GRIN2A: variants seen among roughly 807,000 people sequenced by gnomAD.
GRIN2A encodes the protein glutamate receptor ionotropic, NMDA 2A.
GRIN2A carries 22 observed loss-of-function variants against 113.4 expected under a neutral mutation model. That is an observed-to-expected ratio of 0.19 (90% CI 0.14 to 0.28). The LOEUF (loss-of-function observed/expected upper bound fraction) is 0.28. Ranked by LOEUF, GRIN2A falls within the 10% of genes least tolerant of loss-of-function variation. The pLI is 1.00. For missense variants in GRIN2A, 1,502 were observed against 1,887.0 expected, an observed-to-expected ratio of 0.80 and a Z score of 3.78; for synonymous variants, 827 against 738.4, an observed-to-expected ratio of 1.12 and a Z score of -1.94.
At chr16:10,064,703 G>A (rs575976856) in intron 2 of GRIN2A, among the ~76,000 whole-genome samples, 4 of 152,306 alleles carry the variant, frequency 2.6e-5, no homozygotes, top group South Asian at 4.1e-4. Context: ...AACCCCAGGT[G>A]CAAATCTTTG....
chr16:9,997,528 G>A (rs1239496382), intron 2 of GRIN2A, among the ~76,000 whole-genome samples: 2 of 152,190 alleles, frequency 1.3e-5, no homozygotes, highest in African/African-American at 4.8e-5. Flanking sequence ...AAGAGACAAA[G>A]CTAAAGCCCT....
chr16:9,937,840 T>C, intron 3 of GRIN2A, 119 bp downstream of exon 3: 3 of 743,770 alleles, frequency 4.0e-6, no homozygotes, highest in Non-Finnish European at 7.2e-6. Flanking sequence ...GTCCCGTAAG[T>C]AAACACATAA....
chr16:9,999,372 G>C (rs914922274), intron 2 of GRIN2A, among the ~76,000 whole-genome samples: 1 of 152,324 alleles, frequency 6.6e-6, no homozygotes, highest in Non-Finnish European at 1.5e-5. Flanking sequence ...ACTGGATAAA[G>C]AAAATGTGGC....
chr16:10,160,307 C>T (rs59952770), intron 2 of GRIN2A, among the ~76,000 whole-genome samples: 2,671 of 152,298 alleles, frequency 0.018, 68 homozygotes, highest in African/African-American at 0.06. Flanking sequence ...GGGATATGGT[C>T]TCCCCAAACC....
chr16:10,022,862 A>G (rs2046751294), intron 2 of GRIN2A, among the ~76,000 whole-genome samples: 3 of 152,184 alleles, frequency 2.0e-5, no homozygotes, highest in Admixed American at 2.0e-4. Context: ...CACTGTTCTC[A>G]AGAACTGAAA....
At chr16:9,994,050 C>A (rs1414509022) in intron 2 of GRIN2A, among the ~76,000 whole-genome samples, 1 of 152,184 alleles carries the variant, frequency 6.6e-6, no homozygotes, top group Non-Finnish European at 1.5e-5. Context: ...AAGAAGAAAT[C>A]CATCACATGG....
At chr16:9,948,762 C>A (rs1057382934) in intron 2 of GRIN2A, among the ~76,000 whole-genome samples, 7 of 152,184 alleles carry the variant, frequency 4.6e-5, no homozygotes, top group African/African-American at 1.7e-4. Context: ...TGAAGCCATC[C>A]AGGAACGAGA....
chr16:9,833,297 C>A (rs1393494401), intron 8 of GRIN2A, among the ~76,000 whole-genome samples: 1 of 152,156 alleles, frequency 6.6e-6, no homozygotes, highest in Non-Finnish European at 1.5e-5. Context: ...TTTTAGCACA[C>A]TTGATTTCCT....
chr16:9,977,928 C>G (rs1456593349), intron 2 of GRIN2A, among the ~76,000 whole-genome samples: 1 of 152,098 alleles, frequency 6.6e-6, no homozygotes, highest in African/African-American at 2.4e-5. Flanking sequence ...TGCAGCTTAA[C>G]AACGAAGATG....
chr16:9,996,678 G>C (rs1050947280), intron 2 of GRIN2A, among the ~76,000 whole-genome samples: 5 of 152,050 alleles, frequency 3.3e-5, no homozygotes, highest in Admixed American at 1.3e-4. Flanking sequence ...TGGAGTTTCT[G>C]TCTTTCCCAA....
intron 2 of GRIN2A, among the ~76,000 whole-genome samples, chr16:10,075,119 A>G (rs1048518084): frequency 6.6e-6 from 1 of 152,096 alleles, no homozygotes; most frequent in Middle Eastern, 3.2e-3. Context: ...GGGACTTTGC[A>G]TGGGTCCTCT....
intron 2 of GRIN2A, among the ~76,000 whole-genome samples, chr16:9,975,697 T>C (rs955397930): frequency 6.6e-6 from 1 of 152,186 alleles, no homozygotes; most frequent in African/African-American, 2.4e-5. Flanking sequence ...CTGCATTAAA[T>C]GACTGTGGAC....
chr16:9,848,002 T>G (rs1279571983), intron 5 of GRIN2A, among the ~76,000 whole-genome samples: 1 of 146,546 alleles, frequency 6.8e-6, no homozygotes. Context: ...TATATAAAAA[T>G]ATATTGGTTT....
chr16:10,175,460 A>T (rs2050123401), intron 2 of GRIN2A, among the ~76,000 whole-genome samples: 1 of 152,228 alleles, frequency 6.6e-6, no homozygotes, highest in Non-Finnish European at 1.5e-5. Flanking sequence ...AAAAGGAAAT[A>T]CACCAAAGTG....
intron 2 of GRIN2A, among the ~76,000 whole-genome samples, chr16:10,004,285 A>G (rs536305356): frequency 6.6e-6 from 1 of 151,912 alleles, no homozygotes; most frequent in Non-Finnish European, 1.5e-5. Flanking sequence ...GCTACTCAGG[A>G]GGCTGAGGCA....
chr16:9,970,705 C>T (rs1312940871), intron 2 of GRIN2A: 2 of 868,714 alleles, frequency 2.3e-6, no homozygotes, highest in East Asian at 1.2e-4. Context: ...AAGTTAGGTA[C>T]TGAAGATAAA....
chr16:9,772,031 G>GT (rs796088515), intron 11 of GRIN2A, among the ~76,000 whole-genome samples: 37 of 151,884 alleles, frequency 2.4e-4, no homozygotes, highest in East Asian at 1.2e-3. Flanking sequence ...ATGTTAATGA[G>GT]TTTTTTTTTA....
At chr16:10,157,148 C>CA (rs1371708127) in intron 2 of GRIN2A, among the ~76,000 whole-genome samples, 1 of 152,096 alleles carries the variant, frequency 6.6e-6, no homozygotes, top group Non-Finnish European at 1.5e-5. Flanking sequence ...AGACTGGAAT[C>CA]AAAGCTCAGG....
chr16:9,990,603 G>C (rs2046092735), intron 2 of GRIN2A, among the ~76,000 whole-genome samples: 1 of 145,612 alleles, frequency 6.9e-6, no homozygotes, highest in Non-Finnish European at 1.5e-5. Flanking sequence ...ACACACGGTT[G>C]ATGGAAAATG....
Sources: gnomAD v4.1 joint callset for allele counts (sites outside exome capture counted in the v4.1 genomes callset) on GRCh38, gnomAD v4.1.1 for gene constraint, MANE v1.5 for transcripts, NCBI Gene and HGNC (gene_info 2026-07-23, HGNC 2026-07-21) for gene names.